Variants in FAM133A observed in about 807,000 individuals in gnomAD.
The protein encoded by FAM133A is protein FAM133A.
For synonymous variants in FAM133A, 65 were observed against 58.6 expected, an observed-to-expected ratio of 1.11 and a Z score of -0.50; for missense variants, 159 against 164.4, an observed-to-expected ratio of 0.97 and a Z score of 0.18.
chrX:93,686,764 G>A (rs1200747484), intron 2 of FAM133A, among the ~76,000 whole-genome samples: 1 of 112,417 alleles, frequency 8.9e-6, no homozygotes. Context: ...AAACAAGAGT[G>A]CCATGAGACA....
At chrX:93,687,937 ATCT>A (rs767285195) in intron 2 of FAM133A, among the ~76,000 whole-genome samples, 2 of 111,489 alleles carry the variant, frequency 1.8e-5, no homozygotes, top group South Asian at 3.7e-4. Context: ...ACTTAACATA[ATCT>A]TCTTCAGATT....
At chrX:93,689,750 T>C (rs1163942582) in intron 2 of FAM133A, among the ~76,000 whole-genome samples, 1 of 111,507 alleles carries the variant, frequency 9.0e-6, no homozygotes, top group East Asian at 2.8e-4. Context: ...TGAGGTAGAT[T>C]GCTTTAGCAC....
Position 93,679,915 on chromosome X carries a change from ATTTTTTTTTTTTTTTTT to A in FAM133A, c.-193+5190_-193+5206del, listed in dbSNP as rs376335726. Among the ~76,000 whole-genome samples, 82 of 62,419 alleles carry A rather than the reference ATTTTTTTTTTTTTTTTT, an allele frequency of 1.3e-3. 2 individuals carry two copies. Among genetic ancestry groups the A allele is most frequent in the African/African-American group, 6.2e-3 (74 of 11,990 alleles). 54.2% of individuals were successfully genotyped at this position (62,419 alleles called of 115,157 possible). A position where few individuals can be genotyped will look rare whatever the true frequency, so the allele number is the denominator to read the frequency against. On this transcript the variant is annotated intron_variant, in intron 2 of 3. Transcript: ENST00000683942. Reference sequence around the variant, plus strand: ...AGGTGTGTACCACCACTCCTGGCAAATTTTTTTTTTTTTTTTTTTTTTTTTTTTTTTTTTTTTTTTTT... The same window carrying A: ...AGGTGTGTACCACCACTCCTGGCAAATTTTTTTTTTTTTTTTTTTTTTTTT...
intron 2 of FAM133A, among the ~76,000 whole-genome samples, chrX:93,675,935 T>C (rs1400114997): frequency 9.0e-6 from 1 of 111,577 alleles, no homozygotes; most frequent in Non-Finnish European, 1.9e-5. Flanking sequence ...TTTTAAATTA[T>C]GGAGATTTAA....
chrX:93,699,034 A>C (rs1212679611), intron 3 of FAM133A, among the ~76,000 whole-genome samples: 1 of 111,181 alleles, frequency 9.0e-6, no homozygotes, highest in Admixed American at 9.6e-5. Context: ...AGGGAATACT[A>C]CTTGAAAAGG....
At chrX:93,686,066 C>T (rs1925496200) in intron 2 of FAM133A, among the ~76,000 whole-genome samples, 1 of 97,278 alleles carries the variant, frequency 1.0e-5, no homozygotes, top group African/African-American at 3.8e-5. Flanking sequence ...CTAGATGGCG[C>T]CACTGCACTC....
At chrX:93,702,837 T>TAAAAAAAAA (rs33985910) in intron 3 of FAM133A, among the ~76,000 whole-genome samples, 11 of 43,042 alleles carry the variant, frequency 2.6e-4, no homozygotes, top group East Asian at 9.7e-4. Flanking sequence ...ATAGCTATGA[T>TAAAAAAAAA]AAAAAAAAAA....
chrX:93,695,314 C>A (rs1004101661), intron 2 of FAM133A, among the ~76,000 whole-genome samples: 2 of 110,752 alleles, frequency 1.8e-5, no homozygotes, highest in Non-Finnish European at 3.8e-5. Context: ...AGTTCAATGG[C>A]GCAATCTAGG....
At chrX:93,678,619 A>G (rs1383330210) in intron 2 of FAM133A, among the ~76,000 whole-genome samples, 2 of 111,781 alleles carry the variant, frequency 1.8e-5, no homozygotes. Flanking sequence ...TTTTGCATTT[A>G]GGTCTGATAC....
chrX:93,676,333 T>TA (rs1321940579), intron 2 of FAM133A, among the ~76,000 whole-genome samples: 1 of 111,806 alleles, frequency 8.9e-6, no homozygotes, highest in Non-Finnish European at 1.9e-5. Flanking sequence ...AATCACTACT[T>TA]ACATTTGTAA....
At chrX:93,692,208 G>A (rs189199956) in intron 2 of FAM133A, among the ~76,000 whole-genome samples, 1 of 111,424 alleles carries the variant, frequency 9.0e-6, no homozygotes, top group African/African-American at 3.2e-5. Flanking sequence ...ATATTTCCTG[G>A]GAATGTCGTG....
intron 2 of FAM133A, among the ~76,000 whole-genome samples, chrX:93,694,916 C>G (rs1418907335): frequency 9.0e-6 from 1 of 111,433 alleles, no homozygotes; most frequent in Non-Finnish European, 1.9e-5. Flanking sequence ...CTAAACATTC[C>G]TGTGTTTATA....
intron 2 of FAM133A, among the ~76,000 whole-genome samples, chrX:93,679,465 T>C (rs1924951424): frequency 9.0e-6 from 1 of 111,358 alleles, no homozygotes; most frequent in South Asian, 3.7e-4. Context: ...CAATATACCC[T>C]TAACTGCATG....
chrX:93,709,640 A>G lies in FAM133A; in HGVS notation c.221A>G (p.Glu74Gly). Residue 74 changes from glutamate to glycine, a missense_variant, in exon 4 of 4, where the codon GAA becomes GGA. Physicochemically the swap from Glu to Gly is moderately conservative, Grantham distance 98. Coordinates refer to ENST00000683942, the MANE Select transcript of FAM133A (RefSeq NM_001171109.2). ...KMNENWKKEL[E>G]KSREKLLSGN... Reference sequence around the variant, plus strand: ...AATGAAAATTGGAAGAAAGAACTTGAAAAAAGCAGAGAGAAATTATTAAGT... The same window carrying G: ...AATGAAAATTGGAAGAAAGAACTTGGAAAAAGCAGAGAGAAATTATTAAGT... 8.4e-7 allele frequency: 1 copy of G among 1,192,734 alleles called. No homozygotes were observed. Among genetic ancestry groups the G allele is most frequent in the Non-Finnish European group, 1.1e-6 (1 of 889,124 alleles).
chrX:93,691,620 A>T (rs1453215580), intron 2 of FAM133A, among the ~76,000 whole-genome samples: 1 of 111,814 alleles, frequency 8.9e-6, no homozygotes, highest in Non-Finnish European at 1.9e-5. Context: ...GCTATTCTGG[A>T]TCCCTTGTAC....
intron 2 of FAM133A, among the ~76,000 whole-genome samples, chrX:93,680,560 A>G (rs1352384448): frequency 9.0e-6 from 1 of 111,451 alleles, no homozygotes; most frequent in Non-Finnish European, 1.9e-5. Flanking sequence ...CCACATTACC[A>G]GCAACAGTTT....
upstream of FAM133A, chrX:93,673,912 A>G (rs1865979209): frequency 9.9e-6 from 1 of 101,297 alleles, no homozygotes; most frequent in African/African-American, 3.7e-5. Context: ...AGGGCAAAAG[A>G]GGCGTGTCTT....
At chrX:93,682,190 G>T (rs908724025) in intron 2 of FAM133A, among the ~76,000 whole-genome samples, 2 of 111,511 alleles carry the variant, frequency 1.8e-5, no homozygotes, top group Non-Finnish European at 3.8e-5. Flanking sequence ...TGTAGAATGG[G>T]GATAATAATA....
chrX:93,680,182 C>T (rs1342211437), intron 2 of FAM133A, among the ~76,000 whole-genome samples: 1 of 109,886 alleles, frequency 9.1e-6, no homozygotes, highest in Non-Finnish European at 1.9e-5. Flanking sequence ...TTATGCTCCA[C>T]ATGTGAGATC....
Sources: allele counts gnomAD v4.1 joint callset (sites outside exome capture counted in the v4.1 genomes callset), GRCh38; gene constraint gnomAD v4.1.1; transcripts MANE v1.5; gene names NCBI Gene and HGNC (gene_info 2026-07-23, HGNC 2026-07-21).